KHDRBS2: variants seen among roughly 807,000 people sequenced by gnomAD.
KHDRBS2 encodes KH RNA binding domain containing, signal transduction associated 2.
A neutral mutation model predicts 44.3 loss-of-function variants in KHDRBS2; 26 were observed. The observed-to-expected ratio is 0.59, with a 90% confidence interval of 0.43 to 0.81. The LOEUF (loss-of-function observed/expected upper bound fraction) is 0.81. Among genes scored for constraint, KHDRBS2 ranks in the 40% least tolerant of loss-of-function variants. KHDRBS2 has a pLI of 0.00. For missense variants in KHDRBS2, 476 were observed against 433.1 expected (o/e 1.10, Z -0.88); for synonymous variants, 194 against 151.1 (o/e 1.28, Z -2.08).
chr6:62,008,274 A>AT (rs926950017), intron 3 of KHDRBS2, among the ~76,000 whole-genome samples: 13 of 151,638 alleles, frequency 8.6e-5, no homozygotes, highest in South Asian at 4.2e-4. Flanking sequence ...CATGAGAGGA[A>AT]TTTTTTTTTA....
intron 1 of KHDRBS2, among the ~76,000 whole-genome samples, chr6:62,238,413 C>CT (rs1189545611): frequency 6.6e-6 from 1 of 152,036 alleles, no homozygotes; most frequent in Non-Finnish European, 1.5e-5. Flanking sequence ...CACTTTATTC[C>CT]TTTTTTCCTT....
chr6:61,795,129 AG>A (rs921805478), intron 6 of KHDRBS2, among the ~76,000 whole-genome samples: 3 of 127,952 alleles, frequency 2.3e-5, no homozygotes, highest in African/African-American at 9.1e-5. Flanking sequence ...CTGGCAACAG[AG>A]CGAGACTCCG....
At chr6:62,165,473 AC>A (rs1350587605) in intron 2 of KHDRBS2, among the ~76,000 whole-genome samples, 2 of 151,608 alleles carry the variant, frequency 1.3e-5, no homozygotes, top group Non-Finnish European at 3.0e-5. Context: ...AGAAATAGAA[AC>A]TTGGCTTTAT....
rs144841283 is a variant in KHDRBS2 at position 61,712,561 on chromosome 6, C to A, written c.894-15308G>T. ...CAATATGATATTAGGACAGAGAGTC[C>A]ATCTTTGGAACTGGACAGAAACCAG... On this transcript the variant is annotated intron_variant, in intron 7 of 8. Transcript: ENST00000281156. 7.4e-4 allele frequency among the ~76,000 whole-genome samples: 113 copies of A among 151,834 alleles called. 1 individual carries two copies. In the East Asian group the frequency reaches 0.02, roughly 27 times the overall value.
rs1449067666 is a variant in KHDRBS2 at position 62,059,210 on chromosome 6, T to G, written c.220-11216A>C. On this transcript the variant is annotated intron_variant, in intron 2 of 8. Coordinates refer to ENST00000281156, the MANE Select transcript of KHDRBS2 (RefSeq NM_152688.4). ...GAAAAGTTAGGAAGTTTTTTTTTTT[T>G]TTTTTTTTTTTTTTTTTTTTTTTTG... Among the ~76,000 whole-genome samples the G allele has an allele frequency of 2.8e-3, 316 of 114,138 alleles. 3 individuals carry two copies. The highest frequency in any genetic ancestry group is 0.011 in the African/African-American group (305 of 26,908). 74.9% of individuals were successfully genotyped at this position (114,138 alleles called of 152,430 possible).
the KHDRBS2 span, among the ~76,000 whole-genome samples, chr6:61,543,446 C>A: frequency 1.2e-4 from 18 of 151,930 alleles, no homozygotes; most frequent in Non-Finnish European, 1.8e-4. Flanking sequence ...CAGGCAATGA[C>A]AAATGCTGAC....
intron 6 of KHDRBS2, among the ~76,000 whole-genome samples, chr6:61,780,116 T>G (rs1582803638): frequency 6.6e-6 from 1 of 152,230 alleles, no homozygotes; most frequent in Non-Finnish European, 1.5e-5. Context: ...AACTTAAGAA[T>G]AGTGGTCTGA....
chr6:61,764,830 G>A (rs914661239), intron 6 of KHDRBS2, among the ~76,000 whole-genome samples: 16 of 151,836 alleles, frequency 1.1e-4, no homozygotes, highest in African/African-American at 3.9e-4. Context: ...TCTGTAGGTT[G>A]TCTGTTCACT....
chr6:61,978,203 GTTC>G lies in KHDRBS2; in HGVS notation c.343_345del (p.Glu115del), dbSNP rs1441297110. The G allele has an allele frequency of 2.5e-6, 4 of 1,601,306 alleles. No individual in the cohort carries two copies. Among genetic ancestry groups the G allele is most frequent in the South Asian group, 1.1e-5 (1 of 87,756 alleles). ...TATTTGGCTTCCCCACTCTTCCTTA[GTTC>G]TTCTTCCTGTGAAAAAGGTTATTTT... On this transcript the variant is annotated inframe_deletion, in exon 4 of 9. Coordinates refer to ENST00000281156, the MANE Select transcript of KHDRBS2 (RefSeq NM_152688.4).
At chr6:61,545,402 C>G in the KHDRBS2 span, among the ~76,000 whole-genome samples, 1 of 152,010 alleles carries the variant, frequency 6.6e-6, no homozygotes, top group Admixed American at 6.6e-5. Flanking sequence ...TGTGGATCCT[C>G]TGCTTCAACA....
At chr6:62,255,795 A>T (rs934269727) in intron 1 of KHDRBS2, among the ~76,000 whole-genome samples, 27 of 151,992 alleles carry the variant, frequency 1.8e-4, no homozygotes, top group Non-Finnish European at 3.5e-4. Context: ...ACGCTTTTAC[A>T]TAAACTAAGT....
chr6:61,732,435 TAACG>T (rs1250774819), intron 7 of KHDRBS2, among the ~76,000 whole-genome samples: 1 of 152,170 alleles, frequency 6.6e-6, no homozygotes, highest in African/African-American at 2.4e-5. Flanking sequence ...CAAGCTTATT[TAACG>T]AGTTGATTGG....
At chr6:62,267,186 AAAATTC>A (rs1429286313) in intron 1 of KHDRBS2, among the ~76,000 whole-genome samples, 2 of 152,054 alleles carry the variant, frequency 1.3e-5, no homozygotes, top group Non-Finnish European at 2.9e-5. Flanking sequence ...ATATCTTGCA[AAAATTC>A]CGGGGTTTCT....
intron 2 of KHDRBS2, among the ~76,000 whole-genome samples, chr6:62,174,729 T>C (rs994115917): frequency 2.0e-5 from 3 of 151,790 alleles, no homozygotes; most frequent in Admixed American, 6.6e-5. Flanking sequence ...TAATTATTGG[T>C]ACAGACAGCA....
At chr6:62,120,901 C>T (rs769552819) in intron 2 of KHDRBS2, among the ~76,000 whole-genome samples, 8 of 152,280 alleles carry the variant, frequency 5.3e-5, no homozygotes, top group South Asian at 4.2e-4. Flanking sequence ...ACAAGACCTC[C>T]AACCTTTCAC....
intron 6 of KHDRBS2, among the ~76,000 whole-genome samples, chr6:61,751,149 A>C (rs1777631101): frequency 6.6e-6 from 1 of 152,172 alleles, no homozygotes; most frequent in African/African-American, 2.4e-5. Flanking sequence ...CTAAAGTAAA[A>C]TTGTGACAGT....
chr6:61,745,468 A>G (rs76287164), intron 6 of KHDRBS2, among the ~76,000 whole-genome samples: 1,897 of 152,250 alleles, frequency 0.012, 31 homozygotes, highest in African/African-American at 0.043. Context: ...TAAATGTGTT[A>G]ATGCTTTATG....
At chr6:62,000,742 C>A (rs771378122) in intron 3 of KHDRBS2, among the ~76,000 whole-genome samples, 1 of 152,038 alleles carries the variant, frequency 6.6e-6, no homozygotes, top group Non-Finnish European at 1.5e-5. Flanking sequence ...AGCAGAGAGG[C>A]GGTCTCATGA....
chr6:62,040,278 G>T (rs1180397025), intron 3 of KHDRBS2, among the ~76,000 whole-genome samples: 2 of 151,868 alleles, frequency 1.3e-5, no homozygotes, highest in Non-Finnish European at 2.9e-5. Context: ...CACCCGTCTA[G>T]AAATGATCAA....
Sources: gnomAD v4.1 joint callset for allele counts (sites outside exome capture counted in the v4.1 genomes callset) on GRCh38, gnomAD v4.1.1 for gene constraint, MANE v1.5 for transcripts, NCBI Gene and HGNC (gene_info 2026-07-23, HGNC 2026-07-21) for gene names.